Variants in RFX3 observed in about 807,000 individuals in gnomAD.
RFX3 encodes transcription factor RFX3.
Under a neutral mutation model 98.6 loss-of-function variants are expected in RFX3, and 14 were observed. The ratio of observed to expected loss-of-function variants is 0.14; its 90% CI spans 0.09 to 0.22. The LOEUF is 0.22. RFX3 is among the 10% of genes least tolerant of loss of function. The probability of loss-of-function intolerance (pLI) is 1.00; values close to 1 mark genes in which losing one functional copy is unlikely to be tolerated. For synonymous variants in RFX3, 383 were observed against 328.4 expected (o/e 1.17, Z -1.80); for missense variants, 639 against 926.9 (o/e 0.69, Z 4.03).
chr9:3,223,118 T>C lies in RFX3; in HGVS notation c.*1924A>G, dbSNP rs1297910842. 1 of 151,938 alleles carries C rather than the reference T, an allele frequency of 6.6e-6. No individual in the cohort carries two copies. The highest frequency in any genetic ancestry group is 1.5e-5 in the Non-Finnish European group (1 of 67,990). The allele number at this position is 151,938 out of a possible 1,614,324, so 9.4% of individuals were successfully genotyped here. A position where few individuals can be genotyped will look rare whatever the true frequency, so the allele number is the denominator to read the frequency against. On this transcript the variant is annotated 3_prime_UTR_variant, in exon 17 of 17. Coordinates refer to ENST00000617270, the MANE Select transcript of RFX3 (RefSeq NM_001282116.2). ...GGAAAGATAAACATCTTGGGTTTAA[T>C]ATAGGCCTCATTTGATAATCTGTCA...
Position 3,219,530 on chromosome 9 carries a change from C to T in RFX3, c.*5512G>A, listed in dbSNP as rs931148740. On this transcript the variant is annotated 3_prime_UTR_variant, in exon 17 of 17. Transcript: ENST00000617270. ...AAAAGAAGAGACAAAACACATTTTT[C>T]TTTTTAAAAAAACATATTATCAATT... is the stretch of plus-strand genomic sequence containing the variant. 7 of 151,054 alleles carry T rather than the reference C, an allele frequency of 4.6e-5. No individual in the cohort carries two copies. Among genetic ancestry groups the T allele is most frequent in the Admixed American group, 2.0e-4 (3 of 15,170 alleles). The allele number at this position is 151,054 out of a possible 1,614,324, so 9.4% of individuals were successfully genotyped here. A position where few individuals can be genotyped will look rare whatever the true frequency, so the allele number is the denominator to read the frequency against.
chr9:3,465,386 G>A (rs148478189), intron 1 of RFX3, among the ~76,000 whole-genome samples: 1 of 150,924 alleles, frequency 6.6e-6, no homozygotes, highest in African/African-American at 2.4e-5. Flanking sequence ...CACCTCCTGA[G>A]TTCAAGTGAT....
chr9:3,276,980 A>G (rs543258533), intron 8 of RFX3, among the ~76,000 whole-genome samples: 40 of 152,158 alleles, frequency 2.6e-4, no homozygotes, highest in Non-Finnish European at 4.3e-4. Context: ...CTGTGCATAT[A>G]TAACTTTATA....
intron 1 of RFX3, among the ~76,000 whole-genome samples, chr9:3,435,069 C>T (rs1401963496): frequency 1.3e-5 from 2 of 151,598 alleles, no homozygotes; most frequent in African/African-American, 2.4e-5. Flanking sequence ...GTATTAGGCA[C>T]TTAACAGAAA....
Position 3,284,198 on chromosome 9 carries a change from C to T in RFX3, c.851+3933G>A, listed in dbSNP as rs151061318. ...CAAGCATATTAACAAAAGCATTTGG[C>T]TTTTACTACTGGAATTTGGAAAAAT... On this transcript the variant is annotated intron_variant, in intron 7 of 16. Transcript: ENST00000617270. 6.1e-3 allele frequency among the ~76,000 whole-genome samples: 929 copies of T among 151,850 alleles called. 3 individuals are homozygous for T. The highest frequency in any genetic ancestry group is 9.9e-3 in the Non-Finnish European group (672 of 67,784).
At chr9:3,236,471 C>G (rs993422051) in intron 15 of RFX3, among the ~76,000 whole-genome samples, 1 of 152,202 alleles carries the variant, frequency 6.6e-6, no homozygotes, top group African/African-American at 2.4e-5. Flanking sequence ...AGGATATATC[C>G]TGGTCCTCTG....
At chr9:3,429,905 G>C (rs949992075) in intron 1 of RFX3, among the ~76,000 whole-genome samples, 1 of 152,142 alleles carries the variant, frequency 6.6e-6, no homozygotes, top group African/African-American at 2.4e-5. Flanking sequence ...TCTAAGCAGT[G>C]GCTTCCAACC....
At chr9:3,423,087 C>G (rs2132380911) in intron 1 of RFX3, among the ~76,000 whole-genome samples, 1 of 152,262 alleles carries the variant, frequency 6.6e-6, no homozygotes, top group East Asian at 1.9e-4. Context: ...CAGGCTTCTT[C>G]CTTAATATCA....
At position 3,224,847 on chromosome 9, in the gene RFX3, A is replaced by ACGG. The variant is rs1817591829; in HGVS notation, c.*194_*195insCCG. The ACGG allele has an allele frequency of 2.1e-6, 1 of 485,158 alleles. No homozygotes were observed. Among genetic ancestry groups the ACGG allele is most frequent in the Non-Finnish European group, 3.6e-6 (1 of 280,342 alleles). 30.1% of individuals were successfully genotyped at this position (485,158 alleles called of 1,614,324 possible). ...TAAGGGAAAAAATTCATTATTAAGA[A>ACGG]GCAAATAATTTGTTTACGTTAAAAA... On this transcript the variant is annotated 3_prime_UTR_variant, in exon 17 of 17. Coordinates refer to ENST00000617270, the MANE Select transcript of RFX3 (RefSeq NM_001282116.2).
intron 3 of RFX3, among the ~76,000 whole-genome samples, chr9:3,336,813 A>G (rs569777901): frequency 1.2e-3 from 188 of 152,308 alleles, no homozygotes; most frequent in Admixed American, 2.0e-3. Flanking sequence ...AAAAGAGACT[A>G]GACTAGACTA....
Position 3,409,596 on chromosome 9 carries a change from A to G in RFX3, c.-8-14000T>C, listed in dbSNP as rs140582002. Among the ~76,000 whole-genome samples, 269 of 152,354 alleles carry G rather than the reference A, an allele frequency of 1.8e-3. 2 individuals carry two copies. The highest frequency in any genetic ancestry group is 6.4e-3 in the African/African-American group (267 of 41,598). ...ACAAACACAGTTCAGGCAGTTGACA[A>G]TTTAGAAAACTGGTCATTAGACAAA... is the stretch of plus-strand genomic sequence containing the variant. On this transcript the variant is annotated intron_variant, in intron 1 of 16. Transcript: ENST00000617270.
chr9:3,387,644 A>T (rs1378422538), intron 2 of RFX3, among the ~76,000 whole-genome samples: 1 of 151,914 alleles, frequency 6.6e-6, no homozygotes, highest in Non-Finnish European at 1.5e-5. Flanking sequence ...TTTTTCAAAA[A>T]GACATTCATT....
intron 2 of RFX3, among the ~76,000 whole-genome samples, chr9:3,351,547 T>C (rs1352495215): frequency 6.6e-6 from 1 of 151,978 alleles, no homozygotes; most frequent in South Asian, 2.1e-4. Context: ...TCTAGACATA[T>C]AATTGAATAA....
At position 3,293,919 on chromosome 9, in the gene RFX3, A is replaced by G. The variant is rs185785750; in HGVS notation, c.550-661T>C. On this transcript the variant is annotated intron_variant, in intron 5 of 16. Transcript: ENST00000617270. ...GGAATCATTTATTACAACCATTTTA[A>G]TTTTTCTACCTCAAAACTGTGTTTA... 5.3e-5 allele frequency among the ~76,000 whole-genome samples: 8 copies of G among 152,146 alleles called. No homozygotes were observed. In the East Asian group the frequency reaches 1.5e-3, roughly 29 times the overall value.
intron 1 of RFX3, among the ~76,000 whole-genome samples, chr9:3,418,973 T>C (rs768572456): frequency 5.3e-4 from 80 of 152,224 alleles, no homozygotes; most frequent in Non-Finnish European, 1.1e-3. Context: ...ATTAATGTTG[T>C]CCTGCTGCCT....
intron 1 of RFX3, among the ~76,000 whole-genome samples, chr9:3,398,214 T>G (rs1841097736): frequency 6.6e-6 from 1 of 152,168 alleles, no homozygotes; most frequent in African/African-American, 2.4e-5. Flanking sequence ...TATTTTTTAC[T>G]ACACAAAATT....
At chr9:3,463,312 CACAT>C (rs1444202818) in intron 1 of RFX3, among the ~76,000 whole-genome samples, 1 of 152,022 alleles carries the variant, frequency 6.6e-6, no homozygotes, top group Non-Finnish European at 1.5e-5. Flanking sequence ...CTGGAACAAT[CACAT>C]ACCCATCTGG....
rs1209977345 is a variant in RFX3 at position 3,262,786 on chromosome 9, T to G, written c.1605+149A>C. On this transcript the variant is annotated intron_variant, in intron 13 of 16. Transcript: ENST00000617270. ...AACATGGGAGCACTACAGCTGTATC[T>G]GGGTCAAACTCCTCTCTTTCAGAAC... 34 of 768,558 alleles carry G rather than the reference T, an allele frequency of 4.4e-5. No individual in the cohort carries two copies. The East Asian group carries it at 8.9e-4, about 20-fold the overall frequency. 47.6% of individuals were successfully genotyped at this position (768,558 alleles called of 1,614,324 possible). A position where few individuals can be genotyped will look rare whatever the true frequency, so the allele number is the denominator to read the frequency against.
chr9:3,222,302 T>C lies in RFX3; in HGVS notation c.*2740A>G, dbSNP rs894807246. ...AATATTCATAAAGGAGATCAGAATA[T>C]TTTTATTGAGTCAAGTTCAAATGTA... is the stretch of plus-strand genomic sequence containing the variant. On this transcript the variant is annotated 3_prime_UTR_variant, in exon 17 of 17. Coordinates refer to ENST00000617270, the MANE Select transcript of RFX3 (RefSeq NM_001282116.2). 6.6e-6 allele frequency: 1 copy of C among 152,156 alleles called. No homozygotes were observed. Among genetic ancestry groups the C allele is most frequent in the Non-Finnish European group, 1.5e-5 (1 of 67,998 alleles). The allele number at this position is 152,156 out of a possible 1,614,324, so 9.4% of individuals were successfully genotyped here.
Sources: gnomAD v4.1 joint callset for allele counts (sites outside exome capture counted in the v4.1 genomes callset) on GRCh38, gnomAD v4.1.1 for gene constraint, MANE v1.5 for transcripts, NCBI Gene and HGNC (gene_info 2026-07-23, HGNC 2026-07-21) for gene names.